The following OTUD7A variants were observed in gnomAD, a reference collection of about 807,000 sequenced individuals.
OTUD7A encodes OTU deubiquitinase 7A, also known as OTU domain-containing protein 7A.
A neutral mutation model predicts 65.7 loss-of-function variants in OTUD7A; 12 were observed. The ratio of observed to expected loss-of-function variants is 0.18; its 90% CI spans 0.12 to 0.30. OTUD7A has a LOEUF of 0.30. Ranked by LOEUF, OTUD7A falls within the 10% of genes least tolerant of loss-of-function variation. OTUD7A has a pLI of 1.00. For synonymous variants in OTUD7A, 641 were observed against 586.3 expected (o/e 1.09, Z -1.35); for missense variants, 1,148 against 1,304.8 (o/e 0.88, Z 1.85).
In OTUD7A at chr15:31,483,271, C is replaced by T; in HGVS notation, c.*23G>A. 1.9e-6 allele frequency: 2 copies of T among 1,080,918 alleles called. No individual in the cohort carries two copies. Among genetic ancestry groups the T allele is most frequent in the Non-Finnish European group, 2.2e-6 (2 of 893,616 alleles). The allele number at this position is 1,080,918 out of a possible 1,614,324, so 67.0% of individuals were successfully genotyped here. ...AGAAATCCTCGAAGGTAGAACCTCG[C>T]CGCCCGCGCCGCGCCGCGCCGCTCA... On this transcript the variant is annotated 3_prime_UTR_variant, in exon 13 of 13. Coordinates refer to ENST00000307050, the MANE Select transcript of OTUD7A (RefSeq NM_001382637.1).
chr15:31,731,249 A>G (rs1013667720), intron 1 of OTUD7A, among the ~76,000 whole-genome samples: 1 of 152,188 alleles, frequency 6.6e-6, no homozygotes, highest in Non-Finnish European at 1.5e-5. Flanking sequence ...TTTGCATTCT[A>G]AAAGAGTAAG....
At chr15:31,505,170 G>A (rs995062478) in intron 8 of OTUD7A, among the ~76,000 whole-genome samples, 1 of 152,246 alleles carries the variant, frequency 6.6e-6, no homozygotes, top group Non-Finnish European at 1.5e-5. Context: ...GTTTTTATTG[G>A]GTGGAATGGG....
chr15:31,551,088 A>G (rs892597553), intron 5 of OTUD7A, among the ~76,000 whole-genome samples: 6 of 151,956 alleles, frequency 3.9e-5, no homozygotes, highest in African/African-American at 1.5e-4. Context: ...GATGTAAGCC[A>G]GCTTCTAGAA....
At chr15:31,734,415 A>C (rs1175258710) in intron 1 of OTUD7A, among the ~76,000 whole-genome samples, 7 of 152,238 alleles carry the variant, frequency 4.6e-5, no homozygotes, top group Admixed American at 2.6e-4. Flanking sequence ...CTTAAATTTC[A>C]TATGGAACCA....
At chr15:31,788,381 G>A (rs756755857) in intron 1 of OTUD7A, among the ~76,000 whole-genome samples, 56 of 152,168 alleles carry the variant, frequency 3.7e-4, no homozygotes, top group Non-Finnish European at 3.8e-4. Flanking sequence ...TGACTGGGCG[G>A]GAACCATGGC....
At chr15:31,769,648 T>C (rs1895181247) in intron 1 of OTUD7A, among the ~76,000 whole-genome samples, 1 of 152,238 alleles carries the variant, frequency 6.6e-6, no homozygotes, top group Non-Finnish European at 1.5e-5. Context: ...AATTAACTAT[T>C]GATTTCACAC....
rs186120783 is a variant in OTUD7A, at chr15:31,603,920, C to T, written c.152-33723G>A. 1.3e-3 allele frequency among the ~76,000 whole-genome samples: 196 copies of T among 152,158 alleles called. 1 individual carries two copies. The highest frequency in any genetic ancestry group is 4.6e-3 in the African/African-American group (189 of 41,518). ...TACCATCTCACACCAGTTAGAATGG[C>T]GATCATTAAAAAATCAGGAAACAAC... is the stretch of plus-strand genomic sequence containing the variant. On this transcript the variant is annotated intron_variant, in intron 3 of 12. Transcript: ENST00000307050.
chr15:31,869,491 C>G (rs892558409), intron 1 of OTUD7A, among the ~76,000 whole-genome samples: 31 of 152,226 alleles, frequency 2.0e-4, no homozygotes, highest in African/African-American at 7.2e-4. Flanking sequence ...AATTGTTCCT[C>G]TTACAGCCCA....
intron 1 of OTUD7A, among the ~76,000 whole-genome samples, chr15:31,824,909 A>G (rs1423967145): frequency 6.6e-6 from 1 of 152,216 alleles, no homozygotes; most frequent in African/African-American, 2.4e-5. Flanking sequence ...CATAGCAGCT[A>G]AGCTCTCTGA....
intron 1 of OTUD7A, among the ~76,000 whole-genome samples, chr15:31,680,063 G>A (rs1892678370): frequency 6.6e-6 from 1 of 152,066 alleles, no homozygotes; most frequent in Admixed American, 6.5e-5. Flanking sequence ...AATTCGACAA[G>A]ATAATCACTA....
chr15:31,531,450 C>T (rs1168565902), intron 5 of OTUD7A, among the ~76,000 whole-genome samples: 1 of 146,522 alleles, frequency 6.8e-6, no homozygotes, highest in Non-Finnish European at 1.5e-5. Flanking sequence ...TGGTGGGTTC[C>T]CTGGAGTTTC....
chr15:31,860,641 A>ATATATGTATATATATATATATATATG (rs1897698885), intron 1 of OTUD7A, among the ~76,000 whole-genome samples: 1 of 77,748 alleles, frequency 1.3e-5, no homozygotes, highest in African/African-American at 4.0e-5. Context: ...ATATATATAT[A>ATATATGTATATATATATATATATATG]TATGTATGTA....
rs1439848771 is a variant in OTUD7A at position 31,753,843 on chromosome 15, C to CT, written c.-99-96767dup. Reference sequence around the variant, plus strand: ...GCTATAAACACACATGTGCAGTTATCTTTTTTTGTATAATGACTTTTCTCT... The same window carrying CT: ...GCTATAAACACACATGTGCAGTTATCTTTTTTTTGTATAATGACTTTTCTCT... On this transcript the variant is annotated intron_variant, in intron 1 of 12. Transcript: ENST00000307050. Among the ~76,000 whole-genome samples, 21 of 150,806 alleles carry CT rather than the reference C, an allele frequency of 1.4e-4. No homozygotes were observed. The East Asian group carries it at 3.9e-3, about 28-fold the overall frequency.
chr15:31,664,347 T>G (rs1892259445), intron 1 of OTUD7A, among the ~76,000 whole-genome samples: 1 of 150,564 alleles, frequency 6.6e-6, no homozygotes, highest in Admixed American at 6.6e-5. Flanking sequence ...TTTTTTTTTT[T>G]TATTACGGCC....
intron 1 of OTUD7A, among the ~76,000 whole-genome samples, chr15:31,670,410 A>G (rs1437037250): frequency 2.6e-5 from 4 of 152,208 alleles, no homozygotes; most frequent in Non-Finnish European, 4.4e-5. Context: ...GTATAAATGC[A>G]TTCTTATTTC....
chr15:31,484,301 T>C lies in OTUD7A; in HGVS notation c.1795A>G (p.Thr599Ala). ...GGCGACGCGCCCGCTGCCTTGTCTG[T>C]GGGCGACGGCGTGGTCTTTTCCGAC... ...SPSEKTTPSP[T>A]DKAAGASPAE... Residue 599 changes from threonine to alanine, a missense_variant, in exon 13 of 13, where the codon ACA becomes GCA. This residue lies in a region of OTUD7A where 842 missense variants were observed against 769.5 expected (regional missense o/e 1.09). Coordinates refer to ENST00000307050, the MANE Select transcript of OTUD7A (RefSeq NM_001382637.1). The surrounding 1 kb of genome is among the most constrained non-coding windows in gnomAD (Gnocchi z 4.5). 6.3e-7 allele frequency: 1 copy of C among 1,596,314 alleles called. No individual in the cohort carries two copies.
rs368600659 is a variant in OTUD7A, at chr15:31,624,159, G to T, written c.151+30937C>A. Among the ~76,000 whole-genome samples, 114 of 152,334 alleles carry T rather than the reference G, an allele frequency of 7.5e-4. 1 individual carries two copies. The highest frequency in any genetic ancestry group is 2.6e-3 in the African/African-American group (109 of 41,584). On this transcript the variant is annotated intron_variant, in intron 3 of 12. Transcript: ENST00000307050. ...AACAAAACATCAACAAGCAGGAACT[G>T]AGCACATGGGCATGTAGTTTTATAT... is the stretch of plus-strand genomic sequence containing the variant.
At position 31,483,519 on chromosome 15, in the gene OTUD7A, G is replaced by A. The variant is rs759967630; in HGVS notation, c.2577C>T (p.Thr859=). 2 of 1,388,546 alleles carry A rather than the reference G, an allele frequency of 1.4e-6. No individual in the cohort carries two copies. Among genetic ancestry groups the A allele is most frequent in the Non-Finnish European group, 1.9e-6 (2 of 1,068,250 alleles). The allele number at this position is 1,388,546 out of a possible 1,614,324, so 86.0% of individuals were successfully genotyped here. A position where few individuals can be genotyped will look rare whatever the true frequency, so the allele number is the denominator to read the frequency against. Reference sequence around the variant, plus strand: ...CGTCGCGCAGGGCGCCGAAGCCGTTGGTGTAGGTCTGCGACTTGTGCTCGG... The same window carrying A: ...CGTCGCGCAGGGCGCCGAAGCCGTTAGTGTAGGTCTGCGACTTGTGCTCGG... ...GAAEHKSQTY[T]NGFGALRDGL... is the part of the protein sequence containing the mutation. Residue 859 remains threonine, a synonymous_variant, in exon 13 of 13, where the codon ACC becomes ACT. Coordinates refer to ENST00000307050, the MANE Select transcript of OTUD7A (RefSeq NM_001382637.1).
intron 3 of OTUD7A, among the ~76,000 whole-genome samples, chr15:31,632,575 C>G (rs915793400): frequency 2.6e-5 from 4 of 152,252 alleles, no homozygotes; most frequent in African/African-American, 9.6e-5. Flanking sequence ...GGGTCAAGGA[C>G]CCACTTGAGG....
Sources: gnomAD v4.1 joint callset for allele counts (sites outside exome capture counted in the v4.1 genomes callset) on GRCh38, gnomAD v4.1.1 for gene constraint, gnomAD v4.1.1 regional missense constraint, Gnocchi (gnomAD v3.1) non-coding constraint, MANE v1.5 for transcripts, NCBI Gene and HGNC (gene_info 2026-07-23, HGNC 2026-07-21) for gene names.